Variants in LCOR observed in about 807,000 individuals in gnomAD.
LCOR encodes the protein ligand dependent nuclear receptor corepressor.
LCOR carries 14 observed loss-of-function variants against 64.4 expected under a neutral mutation model. That is an observed-to-expected ratio of 0.22 (90% CI 0.14 to 0.34). LCOR has a LOEUF of 0.34. LCOR is among the 10% of genes least tolerant of loss of function. The pLI is 1.00. For synonymous variants in LCOR, 643 were observed against 642.5 expected (o/e 1.00, Z -0.01); for missense variants, 1,686 against 1,765.3 (o/e 0.96, Z 0.80).
At chr10:96,853,091 G>A (rs1845747102) in intron 2 of LCOR, among the ~76,000 whole-genome samples, 1 of 152,034 alleles carries the variant, frequency 6.6e-6, no homozygotes, top group South Asian at 2.1e-4. Context: ...CTGTTGCCCA[G>A]GCTGGAGTGC....
intron 2 of LCOR, among the ~76,000 whole-genome samples, chr10:96,873,765 G>A (rs769254177): frequency 3.3e-5 from 5 of 151,880 alleles, no homozygotes; most frequent in East Asian, 1.9e-4. Context: ...ACCACAGTCC[G>A]GATAATTTTT....
At chr10:96,880,919 A>C (rs1308267825) in intron 2 of LCOR, among the ~76,000 whole-genome samples, 2 of 152,364 alleles carry the variant, frequency 1.3e-5, no homozygotes. Context: ...AAGTCTTTCA[A>C]GAATCAAATA....
intron 7 of LCOR, among the ~76,000 whole-genome samples, chr10:96,970,596 A>T (rs1847990131): frequency 7.9e-6 from 1 of 126,580 alleles, no homozygotes; most frequent in African/African-American, 3.5e-5. Context: ...GATCCTAACC[A>T]GCATTTTATT....
chr10:96,985,127 CAA>C lies in LCOR; in HGVS notation c.4669_4670del (p.Lys1557ValfsTer14), dbSNP rs1848138024. On this transcript the variant is annotated frameshift_variant, in exon 8 of 8. Transcript: ENST00000421806. LOFTEE classifies it high-confidence loss of function. ...CACAGCAAACGGAGGCGGCTGGATG[CAA>C]AGTGATTGGAAAGATGGTAGCCAAG... 1 of 1,589,928 alleles carries C rather than the reference CAA, an allele frequency of 6.3e-7. No homozygotes were observed. The highest frequency in any genetic ancestry group is 8.5e-7 in the Non-Finnish European group (1 of 1,171,454).
rs538095669 is a variant in LCOR at position 96,990,992 on chromosome 10, G to A, written c.*5858G>A. The A allele has an allele frequency of 1.1e-4, 16 of 140,420 alleles. No individual in the cohort carries two copies. Among genetic ancestry groups the A allele is most frequent in the African/African-American group, 4.0e-4 (15 of 37,368 alleles). 8.7% of individuals were successfully genotyped at this position (140,420 alleles called of 1,614,324 possible). ...ACAATATGCCAGGGGTTGGACAAAT[G>A]GATTTTTTACCCTTTTTTAAAGGGT... On this transcript the variant is annotated 3_prime_UTR_variant, in exon 8 of 8. Coordinates refer to ENST00000421806, the MANE Select transcript of LCOR (RefSeq NM_001346516.2).
intron 2 of LCOR, among the ~76,000 whole-genome samples, chr10:96,849,760 C>G (rs961505321): frequency 6.6e-6 from 1 of 151,650 alleles, no homozygotes; most frequent in Non-Finnish European, 1.5e-5. Context: ...AGTGTGCCCT[C>G]AAAGCGTAAT....
intron 2 of LCOR, among the ~76,000 whole-genome samples, chr10:96,900,616 C>G (rs1411675554): frequency 6.6e-6 from 1 of 151,942 alleles, no homozygotes; most frequent in Non-Finnish European, 1.5e-5. Context: ...TATTAGAGAT[C>G]AAAAGACAAG....
chr10:96,883,262 A>G (rs755241935), intron 2 of LCOR, among the ~76,000 whole-genome samples: 32 of 152,160 alleles, frequency 2.1e-4, no homozygotes, highest in African/African-American at 7.5e-4. Flanking sequence ...TTGAACTCCA[A>G]CCTCAGGTGA....
chr10:96,976,927 CGTTTATCTCTTCA>C (rs1325968983), intron 7 of LCOR, among the ~76,000 whole-genome samples: 1 of 152,106 alleles, frequency 6.6e-6, no homozygotes, highest in Non-Finnish European at 1.5e-5. Context: ...TAGGAAGAAC[CGTTTATCTCTTCA>C]GTTTTTCTAC....
At chr10:96,958,430 C>T in intron 7 of LCOR, 2 of 1,374,416 alleles carry the variant, frequency 1.5e-6, no homozygotes, top group Non-Finnish European at 2.0e-6. Flanking sequence ...AATCGAGCAG[C>T]AGAAGAATGG....
intron 2 of LCOR, among the ~76,000 whole-genome samples, chr10:96,892,968 T>A (rs1437978622): frequency 1.3e-5 from 2 of 152,202 alleles, no homozygotes; most frequent in Non-Finnish European, 2.9e-5. Flanking sequence ...CATTTTATAT[T>A]TCTTTCTGTC....
chr10:96,942,397 C>A (rs1015637873), intron 4 of LCOR, among the ~76,000 whole-genome samples: 3 of 152,112 alleles, frequency 2.0e-5, no homozygotes, highest in East Asian at 3.8e-4. Context: ...GCAGCAGTAC[C>A]GTCCAGCTTT....
At chr10:96,901,705 T>G (rs1391132989) in intron 2 of LCOR, among the ~76,000 whole-genome samples, 1 of 152,240 alleles carries the variant, frequency 6.6e-6, no homozygotes, top group Non-Finnish European at 1.5e-5. Flanking sequence ...GTATGTGTCT[T>G]TGACACTTCA....
At chr10:96,924,716 A>G (rs1847138770) in intron 4 of LCOR, among the ~76,000 whole-genome samples, 1 of 151,998 alleles carries the variant, frequency 6.6e-6, no homozygotes, top group Admixed American at 6.6e-5. Context: ...CAACGCAGGC[A>G]TTTTCTTGAG....
intron 4 of LCOR, among the ~76,000 whole-genome samples, chr10:96,927,426 G>A (rs1187412335): frequency 6.6e-6 from 1 of 151,332 alleles, no homozygotes; most frequent in African/African-American, 2.4e-5. Context: ...TCTGAGGCTT[G>A]TCTTTTTCTT....
At chr10:96,842,464 A>C (rs1466839630) in intron 2 of LCOR, among the ~76,000 whole-genome samples, 2 of 152,160 alleles carry the variant, frequency 1.3e-5, no homozygotes, top group Admixed American at 1.3e-4. Context: ...CTACTTGATA[A>C]AAGAAAATTC....
intron 2 of LCOR, among the ~76,000 whole-genome samples, chr10:96,891,808 G>A (rs994737839): frequency 5.3e-5 from 8 of 151,972 alleles, no homozygotes; most frequent in African/African-American, 1.7e-4. Context: ...CTCCCATAGT[G>A]CTGGGATTAC....
intron 2 of LCOR, among the ~76,000 whole-genome samples, chr10:96,906,292 C>T (rs1793746021): frequency 6.6e-6 from 1 of 152,144 alleles, no homozygotes; most frequent in Non-Finnish European, 1.5e-5. Flanking sequence ...ATGCACAAGA[C>T]GTTAATTTCG....
At chr10:96,902,817 T>C (rs1276400080) in intron 2 of LCOR, among the ~76,000 whole-genome samples, 1 of 152,202 alleles carries the variant, frequency 6.6e-6, no homozygotes, top group African/African-American at 2.4e-5. Context: ...CTTTGTAAAA[T>C]ATAATACAGT....
Sources: allele counts gnomAD v4.1 joint callset (sites outside exome capture counted in the v4.1 genomes callset), GRCh38; gene constraint gnomAD v4.1.1; transcripts MANE v1.5; gene names NCBI Gene and HGNC (gene_info 2026-07-23, HGNC 2026-07-21).